BEST2: variants seen among roughly 807,000 people sequenced by gnomAD.
BEST2 encodes bestrophin 2.
Under a neutral mutation model 49.0 loss-of-function variants are expected in BEST2, and 36 were observed. The observed-to-expected ratio is 0.73, with a 90% CI of 0.56 to 0.97. The LOEUF (loss-of-function observed/expected upper bound fraction) is 0.97. Ranked by LOEUF, BEST2 falls within the 50% of genes least tolerant of loss-of-function variation. The probability of loss-of-function intolerance (pLI) is 0.00; values close to 1 mark genes in which losing one functional copy is unlikely to be tolerated. For missense variants in BEST2, 672 were observed against 710.0 expected (o/e 0.95, Z 0.61); for synonymous variants, 335 against 304.4 (o/e 1.10, Z -1.05).
Position 12,755,932 on chromosome 19 carries a change from C to G in BEST2, c.945C>G (p.Phe315Leu), listed in dbSNP as rs763032729. The G allele has an allele frequency of 1.9e-6, 3 of 1,613,704 alleles. No homozygotes were observed. The African/African-American group carries it at 4.0e-5, about 22-fold the overall frequency. The change falls in exon 8 of 10, where the codon TTC becomes TTG. Residue 315 changes from phenylalanine to leucine, a missense_variant. Around this residue, in one of 3 missense-constraint regions of BEST2, gnomAD observed 291 missense variants for 279.8 expected, o/e 1.04. Coordinates refer to ENST00000553030, the MANE Select transcript of BEST2 (RefSeq NM_017682.3). This position sits in a 1 kb window ranked among gnomAD's most constrained non-coding sequence, Gnocchi z 4.4. ...FETNFLIDRN[F>L]QVSMLAVDEM... Reference sequence around the variant, plus strand: ...CCAACTTTCTGATCGATAGAAACTTCCAGGTGAGACTCAGTTTCCAGGTGA... The same window carrying G: ...CCAACTTTCTGATCGATAGAAACTTGCAGGTGAGACTCAGTTTCCAGGTGA...
chr19:12,757,111 C>A (rs1351458532), intron 9 of BEST2, among the ~76,000 whole-genome samples: 5 of 152,152 alleles, frequency 3.3e-5, no homozygotes, highest in African/African-American at 1.2e-4. Flanking sequence ...CCATTGCACT[C>A]CAGCCTGGGC....
chr19:12,758,103 A>T lies in BEST2; in HGVS notation c.*26A>T. ...GATCTTAGAGCCCAGCCCCCTAAGGACAGGGAACCAGGTCCCTGCACGGCA... is the reference window on the plus strand; with the variant it reads ...GATCTTAGAGCCCAGCCCCCTAAGGTCAGGGAACCAGGTCCCTGCACGGCA... On this transcript the variant is annotated 3_prime_UTR_variant, in exon 10 of 10. Coordinates refer to ENST00000553030, the MANE Select transcript of BEST2 (RefSeq NM_017682.3). The T allele has an allele frequency of 6.2e-7, 1 of 1,608,358 alleles. No homozygotes were observed. The highest frequency in any genetic ancestry group is 8.5e-7 in the Non-Finnish European group (1 of 1,178,364).
chr19:12,755,152 C>A lies in BEST2; in HGVS notation c.636+121C>A. On this transcript the variant is annotated intron_variant, in intron 5 of 9. Coordinates refer to ENST00000553030, the MANE Select transcript of BEST2 (RefSeq NM_017682.3). This position sits in a 1 kb window ranked among gnomAD's most constrained non-coding sequence, Gnocchi z 4.4. ...CGATTTCAAACACCCTCACCAGGTG[C>A]ACTCTTACCTCCATGGGGCTGATTC... 7.8e-7 allele frequency: 1 copy of A among 1,274,250 alleles called. No individual in the cohort carries two copies. Among genetic ancestry groups the A allele is most frequent in the Non-Finnish European group, 1.1e-6 (1 of 938,074 alleles). 78.9% of individuals were successfully genotyped at this position (1,274,250 alleles called of 1,614,324 possible).
In BEST2 at chr19:12,755,781, C is replaced by T. The variant is rs746421720; in HGVS notation, c.867+14C>T. ...GGCTGGCTCAAGGTAGGTGGGTGATCCAGGCTGGAATTTCGTGGGTGGGGC... is the reference window on the plus strand; with the variant it reads ...GGCTGGCTCAAGGTAGGTGGGTGATTCAGGCTGGAATTTCGTGGGTGGGGC... On this transcript the variant is annotated intron_variant, in intron 7 of 9. Transcript: ENST00000553030. This position sits in a 1 kb window ranked among gnomAD's most constrained non-coding sequence, Gnocchi z 4.4. The T allele has an allele frequency of 5.6e-6, 9 of 1,613,818 alleles. No homozygotes were observed. The highest frequency in any genetic ancestry group is 7.6e-6 in the Non-Finnish European group (9 of 1,179,774).
chr19:12,753,223 C>T (rs1346714244), intron 2 of BEST2, 37 bp from the exon 3 acceptor site: 1 of 1,603,620 alleles, frequency 6.2e-7, no homozygotes, highest in Non-Finnish European at 8.5e-7. Flanking sequence ...GATGGAGTCA[C>T]CCTTGTGACC....
chr19:12,755,498 C>T lies in BEST2; in HGVS notation c.714+42C>T, dbSNP rs749952921. On this transcript the variant is annotated intron_variant, in intron 6 of 9. Transcript: ENST00000553030. This position sits in a 1 kb window ranked among gnomAD's most constrained non-coding sequence, Gnocchi z 4.4. ...TCTTTTTATATTCGGTGTCAGTGGC[C>T]CTGATGCCTGGTTTCCAAGGGGAAA... 119 of 1,611,122 alleles carry T rather than the reference C, an allele frequency of 7.4e-5. No individual in the cohort carries two copies. The highest frequency in any genetic ancestry group is 9.8e-5 in the Non-Finnish European group (115 of 1,177,378).
In BEST2 at chr19:12,758,171, G is replaced by GTA. The variant is rs754633508; in HGVS notation, c.*95_*96dup. ...GTCTGCATAAGCCTCGTGTGCCTTT[G>GTA]TAAAGTCCACCTACACTTTTGACCA... On this transcript the variant is annotated 3_prime_UTR_variant, in exon 10 of 10. Coordinates refer to ENST00000553030, the MANE Select transcript of BEST2 (RefSeq NM_017682.3). 7.1e-7 allele frequency: 1 copy of GTA among 1,411,620 alleles called. No individual in the cohort carries two copies. 87.4% of individuals were successfully genotyped at this position (1,411,620 alleles called of 1,614,324 possible).
In BEST2 at chr19:12,755,647, G is replaced by C. The variant is rs764109442; in HGVS notation, c.747G>C (p.Leu249=). The change falls in exon 7 of 10, where the codon CTG becomes CTC. Residue 249 remains leucine, a synonymous_variant. Coordinates refer to ENST00000553030, the MANE Select transcript of BEST2 (RefSeq NM_017682.3). This position sits in a 1 kb window ranked among gnomAD's most constrained non-coding sequence, Gnocchi z 4.4. ...VVTIALYSYF[L]ACLIGRQFLD... is the part of the protein sequence containing the mutation. The stretch of plus-strand genomic sequence containing the variant: ...CCATCGCACTGTACAGCTACTTCCT[G>C]GCTTGCCTCATTGGTCGCCAGTTCC... The C allele has an allele frequency of 6.2e-7, 1 of 1,613,956 alleles. No individual in the cohort carries two copies. Among genetic ancestry groups the C allele is most frequent in the Non-Finnish European group, 8.5e-7 (1 of 1,179,990 alleles).
chr19:12,755,678 C>A lies in BEST2; in HGVS notation c.778C>A (p.Pro260Thr). The stretch of plus-strand genomic sequence containing the variant: ...CCTCATTGGTCGCCAGTTCCTGGAC[C>A]CGGCTCAGGGTTACAAAGACCACGA... ...ACLIGRQFLD[P>T]AQGYKDHDLD... Residue 260 changes from proline (P) to threonine (T), a missense_variant, in exon 7 of 10, where the codon CCG becomes ACG. Coordinates refer to ENST00000553030, the MANE Select transcript of BEST2 (RefSeq NM_017682.3). This position sits in a 1 kb window ranked among gnomAD's most constrained non-coding sequence, Gnocchi z 4.4. The A allele has an allele frequency of 2.5e-6, 4 of 1,614,106 alleles. No homozygotes were observed. Among genetic ancestry groups the A allele is most frequent in the Non-Finnish European group, 3.4e-6 (4 of 1,180,044 alleles).
At position 12,752,559 on chromosome 19, in the gene BEST2, C is replaced by T. The variant is rs1781751428; in HGVS notation, c.-34C>T. 2 of 1,606,822 alleles carry T rather than the reference C, an allele frequency of 1.2e-6. No individual in the cohort carries two copies. Among genetic ancestry groups the T allele is most frequent in the African/African-American group, 1.3e-5 (1 of 74,768 alleles). On this transcript the variant is annotated 5_prime_UTR_variant, in exon 2 of 10. Coordinates refer to ENST00000553030, the MANE Select transcript of BEST2 (RefSeq NM_017682.3). The stretch of plus-strand genomic sequence containing the variant: ...ACCCGCAGCCCCCACCCGGGCCACC[C>T]ACTCTCCCTTGGCCACACCTGCCGG...
chr19:12,753,151 G>C (rs1299400938), intron 2 of BEST2, 109 bp from the exon 3 acceptor site: 1 of 1,133,486 alleles, frequency 8.8e-7, no homozygotes, highest in African/African-American at 1.5e-5. Context: ...GCACCCGGCT[G>C]GGGGCAGCTA....
In BEST2 at chr19:12,754,950, C is replaced by T. The variant is rs778305142; in HGVS notation, c.555C>T (p.Cys185=). 3.1e-6 allele frequency: 5 copies of T among 1,613,874 alleles called. No individual in the cohort carries two copies. Among genetic ancestry groups the T allele is most frequent in the African/African-American group, 2.7e-5 (2 of 75,044 alleles). ...NSSYNKYWVP[C]VWFSNLAAQA... is the part of the protein sequence containing the mutation. Reference sequence around the variant, plus strand: ...CCTACAACAAGTACTGGGTGCCCTGCGTCTGGTTCTCCAACCTGGCGGCAC... The same window carrying T: ...CCTACAACAAGTACTGGGTGCCCTGTGTCTGGTTCTCCAACCTGGCGGCAC... Residue 185 remains cysteine, a synonymous_variant, in exon 5 of 10, where the codon TGC becomes TGT. Transcript: ENST00000553030.
chr19:12,757,651 G>C lies in BEST2; in HGVS notation c.1104G>C (p.Thr368=), dbSNP rs747106779. 2.0e-6 allele frequency: 3 copies of C among 1,535,502 alleles called. No homozygotes were observed. In the South Asian group the frequency reaches 3.6e-5, roughly 18 times the overall value. The change falls in exon 10 of 10, where the codon ACG becomes ACC. Residue 368 remains threonine, a splice_region_variant and synonymous_variant. Transcript: ENST00000553030. ...CGCTGGCCCACTGTCGGTCCCGCAGGCTGGCCAAAGAAGACATGCAGTTCC... is the reference window on the plus strand; with the variant it reads ...CGCTGGCCCACTGTCGGTCCCGCAGCCTGGCCAAAGAAGACATGCAGTTCC... ...PSFQGSTFDI[T]LAKEDMQFQR... is the part of the protein sequence containing the mutation.
In BEST2 at chr19:12,754,539, C is replaced by A. The variant is rs890670997; in HGVS notation, c.248-13C>A. 2.7e-6 allele frequency: 4 copies of A among 1,482,194 alleles called. No homozygotes were observed. The highest frequency in any genetic ancestry group is 4.6e-5 in the Admixed American group (2 of 43,724). The allele number at this position is 1,482,194 out of a possible 1,614,324, so 91.8% of individuals were successfully genotyped here. On this transcript the variant is annotated splice_polypyrimidine_tract_variant and intron_variant, in intron 3 of 9. Coordinates refer to ENST00000553030, the MANE Select transcript of BEST2 (RefSeq NM_017682.3). ...GTGTCCCCACTGAGCCCCCATTCCC[C>A]GCTCCCCTGCAGGCTTTTATGTGAC...
intron 9 of BEST2, among the ~76,000 whole-genome samples, chr19:12,757,191 G>A (rs972528061): frequency 5.3e-5 from 8 of 151,892 alleles, no homozygotes; most frequent in Non-Finnish European, 1.0e-4. Context: ...AAGGTGGGCA[G>A]ATCACGAGGT....
intron 3 of BEST2, among the ~76,000 whole-genome samples, chr19:12,754,228 C>T (rs934902916): frequency 6.6e-6 from 1 of 151,918 alleles, no homozygotes; most frequent in African/African-American, 2.4e-5. Context: ...GGTGCGCCAC[C>T]ATGCCCGGCT....
chr19:12,755,688 G>T lies in BEST2; in HGVS notation c.788G>T (p.Gly263Val), dbSNP rs1568353029. 5 of 1,614,082 alleles carry T rather than the reference G, an allele frequency of 3.1e-6. No homozygotes were observed. In the East Asian group the frequency reaches 8.9e-5, roughly 29 times the overall value. ...CGCCAGTTCCTGGACCCGGCTCAGG[G>T]TTACAAAGACCACGACCTAGACCTG... ...IGRQFLDPAQ[G>V]YKDHDLDLCV... is the part of the protein sequence containing the mutation. The change falls in exon 7 of 10, where the codon GGT (glycine) becomes GTT (valine). Residue 263 changes from glycine to valine, a missense_variant. Physicochemically the swap from Gly to Val is moderately radical, Grantham distance 109. Coordinates refer to ENST00000553030, the MANE Select transcript of BEST2 (RefSeq NM_017682.3). The surrounding 1 kb of genome is among the most constrained non-coding windows in gnomAD (Gnocchi z 4.4).
chr19:12,757,907 G>A lies in BEST2; in HGVS notation c.1360G>A (p.Asp454Asn), dbSNP rs767255195. 1.9e-6 allele frequency: 3 copies of A among 1,556,642 alleles called. No homozygotes were observed. The highest frequency in any genetic ancestry group is 1.7e-6 in the Non-Finnish European group (2 of 1,152,084). ...GTGCAGCTGCGGGGACCCGCTGCTC[G>A]ACCCCGGCCTGCCGGAGCCCGAGGC... ...PECSCGDPLL[D>N]PGLPEPEAPP... The change falls in exon 10 of 10, where the codon GAC becomes AAC. Residue 454 changes from aspartate to asparagine, a missense_variant. By Grantham distance (23) the Asp-to-Asn change is conservative (BLOSUM62 1). This residue lies in a region of BEST2 where 291 missense variants were observed against 279.8 expected (regional missense o/e 1.04). Transcript: ENST00000553030.
In BEST2 at chr19:12,753,759, AC is replaced by A. The variant is rs754166044; in HGVS notation, c.247+407del. Among the ~76,000 whole-genome samples the A allele has an allele frequency of 8.1e-4, 123 of 152,148 alleles. 3 individuals are homozygous for A. The South Asian group carries it at 8.5e-3, about 11-fold the overall frequency. On this transcript the variant is annotated intron_variant, in intron 3 of 9. Coordinates refer to ENST00000553030, the MANE Select transcript of BEST2 (RefSeq NM_017682.3). ...TCTGACAAGTCTTGGACCCCTAGTG[AC>A]CACAAGTGACCCTAGCCTGCCCAAG...
Sources: gnomAD v4.1 joint callset for allele counts (sites outside exome capture counted in the v4.1 genomes callset) on GRCh38, gnomAD v4.1.1 for gene constraint, gnomAD v4.1.1 regional missense constraint, Gnocchi (gnomAD v3.1) non-coding constraint, MANE v1.5 for transcripts, NCBI Gene and HGNC (gene_info 2026-07-23, HGNC 2026-07-21) for gene names.